The following NPLOC4 variants were observed in gnomAD, a reference collection of about 807,000 sequenced individuals.
NPLOC4 encodes the protein NPL4 homolog, ubiquitin recognition factor.
In NPLOC4, 18 loss-of-function variants were observed where a neutral mutation model predicts 80.6. The observed-to-expected ratio is 0.22, with a 90% CI of 0.15 to 0.33. The LOEUF (loss-of-function observed/expected upper bound fraction) is 0.33. NPLOC4 is among the 10% of genes least tolerant of loss of function. NPLOC4 has a pLI of 1.00. For synonymous variants in NPLOC4, 313 were observed against 301.5 expected (o/e 1.04, Z -0.39); for missense variants, 540 against 786.1 (o/e 0.69, Z 3.74).
chr17:81,623,129 G>A (rs2035708418), intron 2 of NPLOC4, among the ~76,000 whole-genome samples: 1 of 150,312 alleles, frequency 6.7e-6, no homozygotes, highest in Non-Finnish European at 1.5e-5. Flanking sequence ...GGGAGGCAGA[G>A]GTTGCAGGGA....
In NPLOC4 at chr17:81,567,170, C is replaced by T. The variant is rs116467777; in HGVS notation, c.1566+247G>A. On this transcript the variant is annotated intron_variant, in intron 15 of 16. Transcript: ENST00000331134. The surrounding 1 kb of genome is among the most constrained non-coding windows in gnomAD (Gnocchi z 4.5). ...TAACAGATGAAACCGTACTTCCTCA[C>T]AGAGGTGCAGACACTCAATGGAAAT... Among the ~76,000 whole-genome samples the T allele has an allele frequency of 6.6e-6, 1 of 152,228 alleles. No individual in the cohort carries two copies. Among genetic ancestry groups the T allele is most frequent in the African/African-American group, 2.4e-5 (1 of 41,462 alleles).
intron 5 of NPLOC4, among the ~76,000 whole-genome samples, chr17:81,609,876 A>G (rs2035297932): frequency 6.6e-6 from 1 of 152,248 alleles, no homozygotes; most frequent in African/African-American, 2.4e-5. Flanking sequence ...GGCAAAGTAA[A>G]TCAACAATGA....
rs571526585 is a variant in NPLOC4, at chr17:81,613,263, A to C, written c.386+55T>G. On this transcript the variant is annotated intron_variant, in intron 4 of 16. Coordinates refer to ENST00000331134, the MANE Select transcript of NPLOC4 (RefSeq NM_017921.4). Reference sequence around the variant, plus strand: ...AGACATGTTATAAATATTTCCCTTTATTCACCCATTAAGATCACCACAAGT... The same window carrying C: ...AGACATGTTATAAATATTTCCCTTTCTTCACCCATTAAGATCACCACAAGT... 52 of 1,460,204 alleles carry C rather than the reference A, an allele frequency of 3.6e-5. 2 individuals carry two copies. In the South Asian group the frequency reaches 6.9e-4, roughly 19 times the overall value. The allele number at this position is 1,460,204 out of a possible 1,614,324, so 90.5% of individuals were successfully genotyped here. A position where few individuals can be genotyped will look rare whatever the true frequency, so the allele number is the denominator to read the frequency against.
chr17:81,575,533 C>T (rs2144078739), intron 12 of NPLOC4, among the ~76,000 whole-genome samples: 1 of 152,362 alleles, frequency 6.6e-6, no homozygotes, highest in East Asian at 1.9e-4. Context: ...TCCTCACAAA[C>T]ACACTGGTCA....
rs1202999240 is a variant in NPLOC4, at chr17:81,559,322, G to A, written c.1764C>T (p.His588=). The change falls in exon 17 of 17, where the codon CAC becomes CAT. Residue 588 remains histidine (H), a synonymous_variant. Coordinates refer to ENST00000331134, the MANE Select transcript of NPLOC4 (RefSeq NM_017921.4). ...TGCCTGGCTGGTTCATGAACGTGCAGTGCTGACAGGCCCACATGGCTGCAG... is the reference window on the plus strand; with the variant it reads ...TGCCTGGCTGGTTCATGAACGTGCAATGCTGACAGGCCCACATGGCTGCAG... ...TATAAMWACQ[H]CTFMNQPGTG... is the part of the protein sequence containing the mutation. The A allele has an allele frequency of 1.2e-6, 2 of 1,606,684 alleles. No homozygotes were observed. The highest frequency in any genetic ancestry group is 1.7e-6 in the Non-Finnish European group (2 of 1,177,066).
At position 81,572,049 on chromosome 17, in the gene NPLOC4, G is replaced by T. The variant is rs1267939083; in HGVS notation, c.1321C>A (p.Arg441=). Reference sequence around the variant, plus strand: ...ATGAGATACTCCACAGGCAGGGGCCGGGCCAGCTGGGTGATCTCGTTGCCA... The same window carrying T: ...ATGAGATACTCCACAGGCAGGGGCCTGGCCAGCTGGGTGATCTCGTTGCCA... The part of the protein sequence containing the change: ...KFGNEITQLA[R]PLPVEYLIID... Residue 441 remains arginine (R), a synonymous_variant, in exon 13 of 17, where the codon CGG becomes AGG. Transcript: ENST00000331134. This position sits in a 1 kb window ranked among gnomAD's most constrained non-coding sequence, Gnocchi z 4.5. 2.5e-6 allele frequency: 4 copies of T among 1,608,256 alleles called. No individual in the cohort carries two copies. The highest frequency in any genetic ancestry group is 3.4e-6 in the Non-Finnish European group (4 of 1,176,768).
At chr17:81,624,899 A>T (rs1286626959) in intron 2 of NPLOC4, among the ~76,000 whole-genome samples, 1 of 152,228 alleles carries the variant, frequency 6.6e-6, no homozygotes, top group African/African-American at 2.4e-5. Flanking sequence ...ACAATAAGGA[A>T]GATGGAAAGA....
In NPLOC4 at chr17:81,577,647, T is replaced by C. The variant is rs540688577; in HGVS notation, c.1282-5559A>G. On this transcript the variant is annotated intron_variant, in intron 12 of 16. Coordinates refer to ENST00000331134, the MANE Select transcript of NPLOC4 (RefSeq NM_017921.4). This position sits in a 1 kb window ranked among gnomAD's most constrained non-coding sequence, Gnocchi z 4.3. The stretch of plus-strand genomic sequence containing the variant: ...TGCCTGAGCTTCCAGACCTGAGTCC[T>C]GGCAACCGTCTGTCCTGCTCCATCT... Among the ~76,000 whole-genome samples, 2 of 152,304 alleles carry C rather than the reference T, an allele frequency of 1.3e-5. No homozygotes were observed. Among genetic ancestry groups the C allele is most frequent in the East Asian group, 1.9e-4 (1 of 5,174 alleles).
intron 2 of NPLOC4, among the ~76,000 whole-genome samples, chr17:81,624,491 C>T (rs889567451): frequency 6.6e-6 from 1 of 152,030 alleles, no homozygotes; most frequent in African/African-American, 2.4e-5. Flanking sequence ...CCCAGCTAGT[C>T]GGTGGGCTGA....
At chr17:81,621,103 G>T (rs140230927) in intron 3 of NPLOC4, among the ~76,000 whole-genome samples, 3 of 143,538 alleles carry the variant, frequency 2.1e-5, no homozygotes, top group Admixed American at 7.0e-5. Context: ...AAGAAAGAAA[G>T]AAAAGGAAAG....
At chr17:81,621,244 T>C (rs2035658853) in intron 3 of NPLOC4, among the ~76,000 whole-genome samples, 1 of 152,198 alleles carries the variant, frequency 6.6e-6, no homozygotes, top group South Asian at 2.1e-4. Context: ...TCGTTTCACC[T>C]CACCACATGG....
intron 4 of NPLOC4, among the ~76,000 whole-genome samples, chr17:81,611,787 G>A (rs980283286): frequency 1.1e-4 from 16 of 151,250 alleles, no homozygotes; most frequent in African/African-American, 3.2e-4. Flanking sequence ...GTGAAACCCC[G>A]TCTTTACTAA....
intron 13 of NPLOC4, among the ~76,000 whole-genome samples, chr17:81,571,280 G>A (rs375912622): frequency 6.6e-6 from 1 of 152,204 alleles, no homozygotes; most frequent in African/African-American, 2.4e-5. Flanking sequence ...CCTCCCGTCC[G>A]CTTTGGACAG....
intron 11 of NPLOC4, among the ~76,000 whole-genome samples, chr17:81,594,258 G>A (rs1253620991): frequency 2.7e-5 from 3 of 111,288 alleles, no homozygotes; most frequent in African/African-American, 1.1e-4. Flanking sequence ...CTGGGCGAAA[G>A]AGCGAGACTC....
intron 9 of NPLOC4, among the ~76,000 whole-genome samples, chr17:81,597,836 C>T (rs1287517168): frequency 6.6e-6 from 1 of 151,162 alleles, no homozygotes; most frequent in African/African-American, 2.4e-5. Flanking sequence ...TGGCTCACGC[C>T]TGTAATTCCA....
At chr17:81,626,598 G>C (rs2035801467) in intron 2 of NPLOC4, among the ~76,000 whole-genome samples, 1 of 152,114 alleles carries the variant, frequency 6.6e-6, no homozygotes, top group African/African-American at 2.4e-5. Context: ...CAGCATCCAG[G>C]AGACAGAGTG....
At chr17:81,631,468 A>C (rs1332282815) in intron 1 of NPLOC4, among the ~76,000 whole-genome samples, 30 of 91,760 alleles carry the variant, frequency 3.3e-4, no homozygotes, top group Admixed American at 4.5e-4. Flanking sequence ...TTTTTCCCCC[A>C]CGGCAAGCCT....
intron 2 of NPLOC4, among the ~76,000 whole-genome samples, chr17:81,624,774 C>A (rs961240303): frequency 7.2e-5 from 11 of 152,150 alleles, no homozygotes; most frequent in African/African-American, 2.7e-4. Context: ...GCCCACCCAG[C>A]GGTGGGTAAG....
At chr17:81,605,245 C>G (rs9893500) in intron 7 of NPLOC4, among the ~76,000 whole-genome samples, 3,516 of 147,104 alleles carry the variant, frequency 0.024, 161 homozygotes, top group African/African-American at 0.083. Context: ...GGCGCCACTG[C>G]ACTCCAGCCT....
Sources: gnomAD v4.1 joint callset for allele counts (sites outside exome capture counted in the v4.1 genomes callset) on GRCh38, gnomAD v4.1.1 for gene constraint, Gnocchi (gnomAD v3.1) non-coding constraint, MANE v1.5 for transcripts, NCBI Gene and HGNC (gene_info 2026-07-23, HGNC 2026-07-21) for gene names.